Variants in STRN3 observed in about 807,000 individuals in gnomAD.
STRN3 encodes the protein striatin-3.
STRN3 carries 29 observed loss-of-function variants against 95.6 expected under a neutral mutation model. The observed-to-expected ratio is 0.30, with a 90% CI of 0.23 to 0.41. The LOEUF (loss-of-function observed/expected upper bound fraction) is 0.41. Ranked by LOEUF, STRN3 falls within the 10% of genes least tolerant of loss-of-function variation. STRN3 has a pLI of 1.00. For missense variants in STRN3, 890 were observed against 972.1 expected (o/e 0.92, Z 1.12); for synonymous variants, 331 against 357.6 (o/e 0.93, Z 0.84).
intron 1 of STRN3, among the ~76,000 whole-genome samples, chr14:31,009,486 C>T (rs1882868425): frequency 6.6e-6 from 1 of 152,024 alleles, no homozygotes; most frequent in African/African-American, 2.4e-5. Context: ...CCCCCGCCCC[C>T]GCGCCCCAGT....
Position 30,902,539 on chromosome 14 carries a change from T to A in STRN3, c.2134A>T (p.Thr712Ser), listed in dbSNP as rs1356175139. 6.3e-7 allele frequency: 1 copy of A among 1,586,882 alleles called. No individual in the cohort carries two copies. Among genetic ancestry groups the A allele is most frequent in the Admixed American group, 1.8e-5 (1 of 55,034 alleles). ...GAAAAGAAGACAATTTGCTTACCCGTTTTATTGTCAAAAAATTTGATGTGT... is the reference window on the plus strand; with the variant it reads ...GAAAAGAAGACAATTTGCTTACCCGATTTATTGTCAAAAAATTTGATGTGT... ...DRHIKFFDNK[T>S]GKMIHSMVAH... Residue 712 changes from threonine (T) to serine (S), a missense_variant, in exon 16 of 18, where the codon ACG (threonine) becomes TCG (serine). This residue lies in a region of STRN3 where 357 missense variants were observed against 422.8 expected (regional missense o/e 0.84). Coordinates refer to ENST00000357479, the MANE Select transcript of STRN3 (RefSeq NM_001083893.2).
intron 11 of STRN3, 64 bp from the exon 12 acceptor site, chr14:30,911,888 GATA>G: frequency 6.4e-7 from 1 of 1,561,988 alleles, no homozygotes; most frequent in Admixed American, 1.9e-5. Context: ...ATCACTGGTT[GATA>G]TTAAATAGTC....
At chr14:30,929,954 C>CAAAAAAAAAAACAAAA (rs1393194244) in intron 7 of STRN3, among the ~76,000 whole-genome samples, 3 of 39,996 alleles carry the variant, frequency 7.5e-5, no homozygotes, top group African/African-American at 3.7e-4. Context: ...CTAAGATTAG[C>CAAAAAAAAAAACAAAA]AAAAAAAAAA....
chr14:30,986,167 A>G (rs765281120), intron 1 of STRN3, among the ~76,000 whole-genome samples: 14 of 152,224 alleles, frequency 9.2e-5, no homozygotes, highest in Non-Finnish European at 2.1e-4. Flanking sequence ...GAAAACATGT[A>G]TAAGGCTTCA....
chr14:31,026,061 C>G lies in STRN3; in HGVS notation c.125G>C (p.Gly42Ala). Residue 42 changes from glycine (G) to alanine (A), a missense_variant, in exon 1 of 18, where the codon GGT becomes GCT. Transcript: ENST00000357479. The stretch of plus-strand genomic sequence containing the variant: ...ACCCGCTCCCTCGGAGGCCGGAGGA[C>G]CCCCGCCGCCCGCCGCTCCGTTCCC... ...PGGNGAAGGG[G>A]PPASEGAGPA... 2 of 1,524,546 alleles carry G rather than the reference C, an allele frequency of 1.3e-6. No homozygotes were observed. The highest frequency in any genetic ancestry group is 1.8e-6 in the Non-Finnish European group (2 of 1,137,474). 94.4% of individuals were successfully genotyped at this position (1,524,546 alleles called of 1,614,324 possible). A position where few individuals can be genotyped will look rare whatever the true frequency, so the allele number is the denominator to read the frequency against.
chr14:30,972,540 T>C (rs1210933520), intron 1 of STRN3, among the ~76,000 whole-genome samples: 1 of 152,044 alleles, frequency 6.6e-6, no homozygotes, highest in East Asian at 1.9e-4. Flanking sequence ...TGTTATTTCT[T>C]TTGCGGCACG....
At chr14:30,967,257 CAGAG>C (rs1225164191) in intron 1 of STRN3, among the ~76,000 whole-genome samples, 1 of 105,060 alleles carries the variant, frequency 9.5e-6, no homozygotes, top group East Asian at 2.6e-4. Flanking sequence ...GGAAGAGAGG[CAGAG>C]AGAGGGGGGA....
chr14:30,953,660 CACTT>C (rs1879761758), intron 3 of STRN3, among the ~76,000 whole-genome samples: 1 of 152,148 alleles, frequency 6.6e-6, no homozygotes, highest in South Asian at 2.1e-4. Context: ...GACAGGGTCT[CACTT>C]TGTCATCCAA....
At chr14:30,929,816 C>A (rs1878391488) in intron 7 of STRN3, among the ~76,000 whole-genome samples, 1 of 151,726 alleles carries the variant, frequency 6.6e-6, no homozygotes, top group African/African-American at 2.4e-5. Flanking sequence ...GCATTCTAGT[C>A]CAATATAATA....
chr14:30,924,306 T>TTTTTTTTC (rs1896962778), intron 8 of STRN3, among the ~76,000 whole-genome samples: 1 of 128,928 alleles, frequency 7.8e-6, no homozygotes, highest in African/African-American at 2.8e-5. Flanking sequence ...TTTTTTTTTT[T>TTTTTTTTC]TGAGATGGTC....
intron 5 of STRN3, among the ~76,000 whole-genome samples, chr14:30,939,852 TC>T (rs1167008811): frequency 6.6e-6 from 1 of 152,068 alleles, no homozygotes; most frequent in Non-Finnish European, 1.5e-5. Flanking sequence ...ACAGTCTCCA[TC>T]CCACATCCAC....
intron 1 of STRN3, chr14:31,014,862 C>A (rs1470076596): frequency 5.1e-6 from 2 of 395,014 alleles, no homozygotes; most frequent in Non-Finnish European, 9.6e-6. Context: ...AGGCTGCAGT[C>A]TGTCACCCAG....
rs1286336160 is a variant in STRN3, at chr14:30,947,115, T to C, written c.691A>G (p.Lys231Glu). The change falls in exon 5 of 18, where the codon AAG becomes GAG. Residue 231 changes from lysine to glutamate, a missense_variant. By Grantham distance (56) the Lys-to-Glu change is moderately conservative. Transcript: ENST00000357479. ...EQILNGGESP[K>E]QKGQEIKRSS... is the part of the protein sequence containing the mutation. The stretch of plus-strand genomic sequence containing the variant: ...CTTTTTATTTCTTGTCCCTTTTGCT[T>C]AGGAGATTCACCTCCATTCAGGATC... The C allele has an allele frequency of 1.9e-6, 3 of 1,603,962 alleles. No homozygotes were observed. The Admixed American group carries it at 5.2e-5, about 28-fold the overall frequency.
intron 4 of STRN3, among the ~76,000 whole-genome samples, chr14:30,949,575 T>C (rs971153649): frequency 1.3e-5 from 2 of 152,050 alleles, no homozygotes; most frequent in African/African-American, 2.4e-5. Flanking sequence ...GGCGCCACTG[T>C]ACTCCAGCTA....
At position 30,947,231 on chromosome 14, in the gene STRN3, A is replaced by G; in HGVS notation, c.575T>C (p.Ile192Thr). Residue 192 changes from isoleucine (I) to threonine (T), a missense_variant, in exon 5 of 18, where the codon ATA becomes ACA. Transcript: ENST00000357479. ...YLQEVGYTDT[I>T]LDVRSQRVRS... is the part of the protein sequence containing the mutation. ...TACCCGCTGAGACCGTACATCTAAT[A>G]TTGTATCTGTATAACCTACTTCCTG... The G allele has an allele frequency of 6.2e-7, 1 of 1,607,816 alleles. No individual in the cohort carries two copies. The highest frequency in any genetic ancestry group is 8.5e-7 in the Non-Finnish European group (1 of 1,177,856).
At chr14:31,021,384 A>T (rs1490163441) in intron 1 of STRN3, among the ~76,000 whole-genome samples, 2 of 152,202 alleles carry the variant, frequency 1.3e-5, no homozygotes, top group East Asian at 3.8e-4. Context: ...CAGAAAAAAT[A>T]AAAAAAAGAC....
At chr14:31,025,777 G>C in intron 1 of STRN3, 127 bp downstream of exon 1, 1 of 1,327,186 alleles carries the variant, frequency 7.5e-7, no homozygotes. Context: ...ATCACAACCT[G>C]AGCAGCACAG....
chr14:31,022,910 C>T (rs1488674747), intron 1 of STRN3, among the ~76,000 whole-genome samples: 1 of 152,116 alleles, frequency 6.6e-6, no homozygotes, highest in Non-Finnish European at 1.5e-5. Context: ...GATGTTGCTG[C>T]TTAAAGATCC....
intron 9 of STRN3, among the ~76,000 whole-genome samples, chr14:30,917,656 G>C (rs1341684300): frequency 6.6e-6 from 1 of 151,502 alleles, no homozygotes; most frequent in Non-Finnish European, 1.5e-5. Context: ...AAAATTAACA[G>C]ACACTATTTT....
Sources: allele counts gnomAD v4.1 joint callset (sites outside exome capture counted in the v4.1 genomes callset), GRCh38; gene constraint gnomAD v4.1.1; regional missense constraint gnomAD v4.1.1; transcripts MANE v1.5; gene names NCBI Gene and HGNC (gene_info 2026-07-23, HGNC 2026-07-21).